MRPS27: variants seen among roughly 807,000 people sequenced by gnomAD.
The protein encoded by MRPS27 is mitochondrial ribosomal protein S27, also known as small ribosomal subunit protein mS27.
Under a neutral mutation model 48.9 loss-of-function variants are expected in MRPS27, and 43 were observed. That is an observed-to-expected ratio of 0.88 (90% CI 0.69 to 1.13). MRPS27 has a LOEUF of 1.13. Ranked by LOEUF, MRPS27 falls within the 50% of genes most tolerant of loss-of-function variation. The probability of loss-of-function intolerance (pLI) is 0.00; values close to 1 mark genes in which losing one functional copy is unlikely to be tolerated. For synonymous variants in MRPS27, 188 were observed against 171.9 expected (o/e 1.09, Z -0.73); for missense variants, 467 against 476.3 (o/e 0.98, Z 0.18).
intron 7 of MRPS27, among the ~76,000 whole-genome samples, chr5:72,230,982 C>G (rs1748051741): frequency 6.6e-6 from 1 of 152,104 alleles, no homozygotes; most frequent in African/African-American, 2.4e-5. Context: ...ATGGTAGTCT[C>G]TCGGATGGTC....
intron 4 of MRPS27, among the ~76,000 whole-genome samples, chr5:72,277,679 T>C (rs1409678684): frequency 6.6e-6 from 1 of 152,030 alleles, no homozygotes; most frequent in African/African-American, 2.4e-5. Flanking sequence ...GCAAAAGACA[T>C]GGATTCAACT....
chr5:72,320,187 A>G lies in MRPS27; in HGVS notation c.35T>C (p.Leu12Pro). The G allele has an allele frequency of 1.2e-6, 2 of 1,614,022 alleles. No homozygotes were observed. Among genetic ancestry groups the G allele is most frequent in the Middle Eastern group, 1.6e-4 (1 of 6,062 alleles). Reference sequence around the variant, plus strand: ...CTGAGGAAGAACCACTTGCCGCGCCAGGAGCATCCCGCGCCGCACTATGGA... The same window carrying G: ...CTGAGGAAGAACCACTTGCCGCGCCGGGAGCATCCCGCGCCGCACTATGGA... ...AASIVRRGML[L>P]ARQVVLPQLS... The change falls in exon 1 of 11, where the codon CTG becomes CCG. Residue 12 changes from leucine to proline, a missense_variant. Physicochemically the swap from Leu to Pro is moderately conservative, Grantham distance 98. Coordinates refer to ENST00000261413, the MANE Select transcript of MRPS27 (RefSeq NM_015084.3).
chr5:72,292,834 G>C (rs1252350660), intron 4 of MRPS27, among the ~76,000 whole-genome samples: 1 of 152,218 alleles, frequency 6.6e-6, no homozygotes, highest in East Asian at 1.9e-4. Flanking sequence ...GTCTGTTAAA[G>C]ACGGTACTGC....
At chr5:72,291,496 G>A (rs186230034) in intron 4 of MRPS27, among the ~76,000 whole-genome samples, 436 of 152,198 alleles carry the variant, frequency 2.9e-3, no homozygotes, top group Admixed American at 4.3e-3. Flanking sequence ...ACTAGCTAGC[G>A]GTAGGTTTAA....
intron 2 of MRPS27, among the ~76,000 whole-genome samples, chr5:72,301,224 T>C (rs566686288): frequency 6.6e-6 from 1 of 152,368 alleles, no homozygotes; most frequent in African/African-American, 2.4e-5. Context: ...TAGAACTTGA[T>C]ACGATATGAA....
intron 4 of MRPS27, among the ~76,000 whole-genome samples, chr5:72,249,674 G>C (rs895437938): frequency 1.9e-4 from 29 of 150,050 alleles, no homozygotes; most frequent in Non-Finnish European, 3.7e-4. Flanking sequence ...GACAGAGCAA[G>C]ACTCCATCTC....
In MRPS27 at chr5:72,308,313, G is replaced by A. The variant is rs149351140; in HGVS notation, c.151+5768C>T. Among the ~76,000 whole-genome samples, 52 of 152,326 alleles carry A rather than the reference G, an allele frequency of 3.4e-4. 1 individual carries two copies. The East Asian group carries it at 8.5e-3, about 25-fold the overall frequency. On this transcript the variant is annotated intron_variant, in intron 2 of 10. Coordinates refer to ENST00000261413, the MANE Select transcript of MRPS27 (RefSeq NM_015084.3). The stretch of plus-strand genomic sequence containing the variant: ...CAGGGCACGGCTCAGGGGAGACGGC[G>A]CTCTGGCACATGAAGCCCACACCCA...
intron 4 of MRPS27, among the ~76,000 whole-genome samples, chr5:72,258,082 T>C (rs1436204933): frequency 9.7e-5 from 7 of 71,868 alleles, no homozygotes; most frequent in Non-Finnish European, 1.0e-4. Flanking sequence ...AGACTCTGTC[T>C]CAAAAAAAAA....
intron 4 of MRPS27, among the ~76,000 whole-genome samples, chr5:72,252,561 T>C (rs553762682): frequency 3.3e-5 from 5 of 152,298 alleles, no homozygotes; most frequent in African/African-American, 9.6e-5. Flanking sequence ...GGGATTAAAA[T>C]CCTAGCCTAA....
Position 72,220,711 on chromosome 5 carries a change from T to C in MRPS27, c.*198A>G. 1.4e-6 allele frequency: 1 copy of C among 735,064 alleles called. No homozygotes were observed. The highest frequency in any genetic ancestry group is 2.7e-5 in the East Asian group (1 of 36,814). 45.5% of individuals were successfully genotyped at this position (735,064 alleles called of 1,614,324 possible). A position where few individuals can be genotyped will look rare whatever the true frequency, so the allele number is the denominator to read the frequency against. On this transcript the variant is annotated 3_prime_UTR_variant, in exon 11 of 11. Coordinates refer to ENST00000261413, the MANE Select transcript of MRPS27 (RefSeq NM_015084.3). ...CAGCTGGTGACTTCAGTCTGACCAC[T>C]AGCCACCTGCATAGTTCCATAGCCC...
intron 4 of MRPS27, among the ~76,000 whole-genome samples, chr5:72,291,555 A>G (rs983286431): frequency 6.6e-6 from 1 of 152,264 alleles, no homozygotes; most frequent in Admixed American, 6.5e-5. Context: ...ATGTAATGTG[A>G]TATGAAAAAA....
At chr5:72,233,744 T>C (rs1005814732) in intron 6 of MRPS27, among the ~76,000 whole-genome samples, 2 of 151,992 alleles carry the variant, frequency 1.3e-5, no homozygotes, top group Non-Finnish European at 2.9e-5. Context: ...AGGCTAAAAA[T>C]TCAGTTGAAA....
At chr5:72,308,503 C>T (rs528054968) in intron 2 of MRPS27, among the ~76,000 whole-genome samples, 21 of 152,324 alleles carry the variant, frequency 1.4e-4, no homozygotes, top group Non-Finnish European at 2.2e-4. Flanking sequence ...TGGGCGCGGC[C>T]CTGCGCGCGC....
chr5:72,300,228 A>G (rs1750091199), intron 2 of MRPS27, among the ~76,000 whole-genome samples: 3 of 152,168 alleles, frequency 2.0e-5, no homozygotes, highest in Non-Finnish European at 4.4e-5. Context: ...TATCCTTCAC[A>G]AAATATTCTC....
At chr5:72,247,861 G>A (rs949185709) in intron 4 of MRPS27, among the ~76,000 whole-genome samples, 3 of 152,170 alleles carry the variant, frequency 2.0e-5, no homozygotes, top group African/African-American at 7.2e-5. Flanking sequence ...AGGGGAGTAG[G>A]ATAGGGTGGG....
chr5:72,311,925 G>A (rs1175706930), intron 2 of MRPS27, among the ~76,000 whole-genome samples: 1 of 152,194 alleles, frequency 6.6e-6, no homozygotes, highest in Non-Finnish European at 1.5e-5. Flanking sequence ...CTGACACCAG[G>A]AGTTCAAGAC....
intron 4 of MRPS27, among the ~76,000 whole-genome samples, chr5:72,288,195 T>C (rs574326048): frequency 7.9e-5 from 12 of 151,308 alleles, no homozygotes; most frequent in Non-Finnish European, 1.3e-4. Context: ...TCTGAAGCAG[T>C]GGAGGGCAAG....
intron 7 of MRPS27, among the ~76,000 whole-genome samples, chr5:72,231,130 C>T (rs1350192352): frequency 6.6e-6 from 1 of 152,106 alleles, no homozygotes; most frequent in Non-Finnish European, 1.5e-5. Flanking sequence ...TTAGAACGAA[C>T]ACAAAATGGC....
Position 72,319,292 on chromosome 5 carries a change from T to C in MRPS27, c.73+857A>G, listed in dbSNP as rs140960170. On this transcript the variant is annotated intron_variant, in intron 1 of 10. Transcript: ENST00000261413. ...CCATTTAGTTCAGATATCAAAGTAT[T>C]TTACAAGTAACTAATAGCATTTATT... Among the ~76,000 whole-genome samples the C allele has an allele frequency of 3.5e-3, 532 of 152,292 alleles. 5 individuals are homozygous for C. Among genetic ancestry groups the C allele is most frequent in the African/African-American group, 0.011 (449 of 41,556 alleles).
Sources: allele counts gnomAD v4.1 joint callset (sites outside exome capture counted in the v4.1 genomes callset), GRCh38; gene constraint gnomAD v4.1.1; transcripts MANE v1.5; gene names NCBI Gene and HGNC (gene_info 2026-07-23, HGNC 2026-07-21).